Variants in CYREN observed in about 807,000 individuals in gnomAD.
CYREN encodes cell cycle regulator of non-homologous end joining.
A neutral mutation model predicts 9.7 loss-of-function variants in CYREN; 7 were observed. The observed-to-expected ratio is 0.72, with a 90% confidence interval of 0.41 to 1.36. The LOEUF is 1.36. Among genes scored for constraint, CYREN ranks in the 40% most tolerant of loss-of-function variants. The pLI is 0.01. For synonymous variants in CYREN, 76 were observed against 77.9 expected (o/e 0.98, Z 0.13); for missense variants, 215 against 198.1 (o/e 1.09, Z -0.51).
intron 2 of CYREN, among the ~76,000 whole-genome samples, chr7:135,118,017 A>G (rs1035534415): frequency 6.6e-6 from 1 of 152,360 alleles, no homozygotes; most frequent in African/African-American, 2.4e-5. Context: ...AGAGAAAAGC[A>G]GAGACTGCAG....
rs1202960430 is a variant in CYREN at position 135,129,354 on chromosome 7, G to A, written n.357-34772C>T. The A allele has an allele frequency of 3.0e-6, 3 of 990,736 alleles. No individual in the cohort carries two copies. The South Asian group carries it at 3.8e-5, about 13-fold the overall frequency. 61.4% of individuals were successfully genotyped at this position (990,736 alleles called of 1,614,324 possible). ...AGAGAAATTAATAGACTTACTAAAT[G>A]AATACCTGCAAGCAGATAAGGCCAA... On this transcript the variant is annotated intron_variant and non_coding_transcript_variant, in intron 2 of 2. Transcript: ENST00000459937.
At chr7:135,128,746 G>A in intron 2 of CYREN, 3 of 1,372,854 alleles carry the variant, frequency 2.2e-6, no homozygotes, top group Non-Finnish European at 1.0e-6. Flanking sequence ...GACAGCTCAA[G>A]CCTCTCCCAA....
At chr7:135,105,227 G>A (rs374666313) in intron 2 of CYREN, among the ~76,000 whole-genome samples, 29 of 152,010 alleles carry the variant, frequency 1.9e-4, no homozygotes, top group South Asian at 6.2e-4. Context: ...CCACCACCAC[G>A]TCTGGCTAAT....
intron 2 of CYREN, among the ~76,000 whole-genome samples, chr7:135,143,799 T>C (rs1829495171): frequency 6.6e-6 from 1 of 152,154 alleles, no homozygotes; most frequent in African/African-American, 2.4e-5. Context: ...ATTAGGAAAA[T>C]TGTCCTAAGG....
chr7:135,136,081 C>A (rs1013056467), intron 2 of CYREN, among the ~76,000 whole-genome samples: 6 of 151,960 alleles, frequency 3.9e-5, no homozygotes, highest in African/African-American at 1.4e-4. Context: ...CACAGAGGAG[C>A]AAGTATGTCA....
intron 1 of CYREN, 141 bp downstream of exon 1, chr7:135,170,511 A>G (rs1830587605): frequency 6.6e-6 from 1 of 152,210 alleles, no homozygotes; most frequent in Admixed American, 6.5e-5. Context: ...GCTCCTTCCG[A>G]CTGGAGCGGC....
At chr7:135,138,002 G>A (rs1829385777) in intron 2 of CYREN, among the ~76,000 whole-genome samples, 1 of 146,426 alleles carries the variant, frequency 6.8e-6, no homozygotes, top group Admixed American at 6.9e-5. Flanking sequence ...ATCACACTAG[G>A]GGTTAGGATT....
chr7:135,159,398 G>A (rs1188882032), intron 2 of CYREN, among the ~76,000 whole-genome samples: 1 of 152,152 alleles, frequency 6.6e-6, no homozygotes, highest in Non-Finnish European at 1.5e-5. Flanking sequence ...TCCCTTATTA[G>A]TATGAAAATG....
chr7:135,162,836 A>C (rs2117468962), downstream of CYREN, among the ~76,000 whole-genome samples: 1 of 152,356 alleles, frequency 6.6e-6, no homozygotes, highest in South Asian at 2.1e-4. Flanking sequence ...ACTGTTTCAG[A>C]GACCAACTGG....
At chr7:135,133,707 T>C (rs1829101562) in intron 2 of CYREN, among the ~76,000 whole-genome samples, 1 of 152,120 alleles carries the variant, frequency 6.6e-6, no homozygotes, top group Admixed American at 6.6e-5. Flanking sequence ...GCTGGAACAA[T>C]TGGATATCCA....
intron 2 of CYREN, chr7:135,129,818 A>T: frequency 2.0e-6 from 1 of 496,046 alleles, no homozygotes; most frequent in Non-Finnish European, 3.8e-6. Context: ...GATATGGAAG[A>T]ACAAGATTTA....
chr7:135,141,870 G>C (rs1829458773), intron 2 of CYREN, among the ~76,000 whole-genome samples: 1 of 151,982 alleles, frequency 6.6e-6, no homozygotes, highest in Non-Finnish European at 1.5e-5. Context: ...GAGAAATCTT[G>C]GTGTTGATTT....
intron 2 of CYREN, among the ~76,000 whole-genome samples, chr7:135,131,379 C>A (rs532736443): frequency 6.6e-6 from 1 of 151,632 alleles, no homozygotes; most frequent in East Asian, 1.9e-4. Context: ...CACCATAGCA[C>A]ACATATACCT....
intron 2 of CYREN, chr7:135,135,002 G>T: frequency 6.4e-7 from 1 of 1,551,046 alleles, no homozygotes; most frequent in Non-Finnish European, 8.7e-7. Context: ...CCTCTCAAAG[G>T]CCCCAAGAAG....
At chr7:135,157,849 T>G (rs549633774) in intron 2 of CYREN, among the ~76,000 whole-genome samples, 1 of 152,274 alleles carries the variant, frequency 6.6e-6, no homozygotes, top group Non-Finnish European at 1.5e-5. Context: ...ATTGCCTGAT[T>G]GTTAATTCAG....
At chr7:135,135,267 C>T in intron 2 of CYREN, 1 of 1,496,882 alleles carries the variant, frequency 6.7e-7, no homozygotes, top group Non-Finnish European at 8.9e-7. Context: ...GTTAATCTAG[C>T]TTTATACTGC....
intron 2 of CYREN, among the ~76,000 whole-genome samples, chr7:135,155,678 T>C (rs1239420336): frequency 6.6e-6 from 1 of 152,140 alleles, no homozygotes; most frequent in Non-Finnish European, 1.5e-5. Context: ...TAGCAAGATC[T>C]TGTCTCTACA....
At chr7:135,158,206 A>C (rs1483399728) in intron 2 of CYREN, among the ~76,000 whole-genome samples, 1 of 151,914 alleles carries the variant, frequency 6.6e-6, no homozygotes, top group Non-Finnish European at 1.5e-5. Context: ...AGCATGGGCA[A>C]GAAGCTGTAG....
At chr7:135,095,621 C>A (rs1485095671) in intron 2 of CYREN, among the ~76,000 whole-genome samples, 2 of 152,232 alleles carry the variant, frequency 1.3e-5, no homozygotes, top group Non-Finnish European at 2.9e-5. Flanking sequence ...CATATGTTAT[C>A]TTTGCTTTCA....
Sources: allele counts gnomAD v4.1 joint callset (sites outside exome capture counted in the v4.1 genomes callset), GRCh38; gene constraint gnomAD v4.1.1; transcripts MANE v1.5; gene names NCBI Gene and HGNC (gene_info 2026-07-23, HGNC 2026-07-21).